The following MYO18A variants were observed in gnomAD, a reference collection of about 807,000 sequenced individuals.
The protein encoded by MYO18A is unconventional myosin-XVIIIa.
MYO18A carries 78 observed loss-of-function variants against 235.8 expected under a neutral mutation model. That is an observed-to-expected ratio of 0.33 (90% CI 0.28 to 0.40). MYO18A has a LOEUF of 0.40. MYO18A is among the 10% of genes least tolerant of loss of function. The pLI is 1.00. For synonymous variants in MYO18A, 977 were observed against 1,077.8 expected, an observed-to-expected ratio of 0.91 and a Z score of 1.83; for missense variants, 2,215 against 2,699.3, an observed-to-expected ratio of 0.82 and a Z score of 3.98.
intron 1 of MYO18A, among the ~76,000 whole-genome samples, chr17:29,172,539 G>A (rs1381571179): frequency 6.6e-6 from 1 of 151,832 alleles, no homozygotes; most frequent in African/African-American, 2.4e-5. Context: ...ATCACTTAAG[G>A]CCTCCATGCC....
At chr17:29,102,779 A>C (rs2152799186) in intron 21 of MYO18A, among the ~76,000 whole-genome samples, 1 of 152,326 alleles carries the variant, frequency 6.6e-6, no homozygotes, top group African/African-American at 2.4e-5. Flanking sequence ...GACCAAGCAC[A>C]CAGGACAAGT....
intron 37 of MYO18A, 107 bp downstream of exon 37, chr17:29,089,854 C>T: frequency 1.4e-6 from 2 of 1,453,040 alleles, no homozygotes; most frequent in Non-Finnish European, 1.9e-6. Flanking sequence ...AGGCACAGGC[C>T]TCTGAGGACT....
Position 29,134,006 on chromosome 17 carries a change from T to C in MYO18A, c.1000-11753A>G, listed in dbSNP as rs886136139. The C allele has an allele frequency of 7.8e-5, 32 of 408,474 alleles. 1 individual carries two copies. The highest frequency in any genetic ancestry group is 4.9e-4 in the South Asian group (24 of 48,978). The allele number at this position is 408,474 out of a possible 1,614,324, so 25.3% of individuals were successfully genotyped here. On this transcript the variant is annotated intron_variant, in intron 2 of 41. Coordinates refer to ENST00000527372, the MANE Select transcript of MYO18A (RefSeq NM_078471.4). ...AAGGATTACAAAACTCAAGAGGGCA[T>C]TGGAGTAAGGAATAAAATATTAAAG...
rs903241551 is a variant in MYO18A at position 29,168,135 on chromosome 17, G to A, written c.-81-1114C>T. Among the ~76,000 whole-genome samples the A allele has an allele frequency of 3.9e-5, 6 of 151,920 alleles. 1 individual carries two copies. The South Asian group carries it at 1.0e-3, about 26-fold the overall frequency. On this transcript the variant is annotated intron_variant, in intron 1 of 41. Transcript: ENST00000527372. ...CAAAGTAAAGCAGCAAGAGAAAGAA[G>A]GGAAGTTCCAGACCAAACAGAGGAT...
In MYO18A at chr17:29,163,258, C is replaced by A. The variant is rs539540867; in HGVS notation, c.999+2684G>T. On this transcript the variant is annotated intron_variant, in intron 2 of 41. Coordinates refer to ENST00000527372, the MANE Select transcript of MYO18A (RefSeq NM_078471.4). ...TAAAAGGAAGAGGAGGAGATACAGG[C>A]TGAGGGTACAGAAGAGGTGCAGCAC... Among the ~76,000 whole-genome samples the A allele has an allele frequency of 7.9e-5, 12 of 152,256 alleles. No homozygotes were observed. The East Asian group carries it at 1.7e-3, about 22-fold the overall frequency.
chr17:29,170,616 C>T (rs1318721504), intron 1 of MYO18A, among the ~76,000 whole-genome samples: 2 of 152,168 alleles, frequency 1.3e-5, no homozygotes, highest in Admixed American at 6.5e-5. Flanking sequence ...TCCTTTTCTG[C>T]GTTTCTCTCC....
rs774026021 is a variant in MYO18A at position 29,121,525 on chromosome 17, G to A, written c.1371+22C>T. On this transcript the variant is annotated intron_variant, in intron 5 of 41. Coordinates refer to ENST00000527372, the MANE Select transcript of MYO18A (RefSeq NM_078471.4). The surrounding 1 kb of genome is among the most constrained non-coding windows in gnomAD (Gnocchi z 4.2). The stretch of plus-strand genomic sequence containing the variant: ...AGGGGGTGGGACCAGGAGTCTGCAG[G>A]GTAGCCTTGAGGGTGCTGCACCTTC... 11 of 1,582,212 alleles carry A rather than the reference G, an allele frequency of 7.0e-6. No individual in the cohort carries two copies. The highest frequency in any genetic ancestry group is 7.7e-6 in the Non-Finnish European group (9 of 1,163,698).
intron 21 of MYO18A, among the ~76,000 whole-genome samples, chr17:29,100,693 G>A (rs1021766982): frequency 6.6e-6 from 1 of 152,224 alleles, no homozygotes; most frequent in East Asian, 1.9e-4. Context: ...ACCTCCAACT[G>A]GCACAGAACA....
intron 38 of MYO18A, 166 bp downstream of exon 38, chr17:29,086,770 G>A (rs1268717569): frequency 2.2e-5 from 24 of 1,114,668 alleles, no homozygotes; most frequent in South Asian, 4.9e-5. Flanking sequence ...CTCCAGTGCC[G>A]CTAGCTTCCT....
chr17:29,099,975 G>T (rs867530412), intron 21 of MYO18A, among the ~76,000 whole-genome samples: 1 of 152,138 alleles, frequency 6.6e-6, no homozygotes, highest in East Asian at 1.9e-4. Context: ...GGTTTTGGCA[G>T]GGGAGGGGTA....
At chr17:29,177,871 G>A (rs2068567302) in intron 1 of MYO18A, among the ~76,000 whole-genome samples, 1 of 152,202 alleles carries the variant, frequency 6.6e-6, no homozygotes, top group Non-Finnish European at 1.5e-5. Context: ...ATCTGGCTGA[G>A]GAGAGACCTC....
At chr17:29,086,362 A>G in intron 39 of MYO18A, 76 bp downstream of exon 39, 1 of 1,511,266 alleles carries the variant, frequency 6.6e-7, no homozygotes, top group South Asian at 1.2e-5. Flanking sequence ...CAACTGTTCT[A>G]CCTGGTCGTC....
At position 29,110,576 on chromosome 17, in the gene MYO18A, C is replaced by G; in HGVS notation, c.2947G>C (p.Val983Leu). Reference sequence around the variant, plus strand: ...AGGCCCGCGATGGAGCCAGAGAGCACCGTGGCACTGCCTGCGCGGCCCAGA... The same window carrying G: ...AGGCCCGCGATGGAGCCAGAGAGCAGCGTGGCACTGCCTGCGCGGCCCAGA... ...LFLGRAGSAT[V>L]LSGSIAGLEG... The change falls in exon 18 of 42, where the codon GTG becomes CTG. Residue 983 changes from valine to leucine, a missense_variant. Coordinates refer to ENST00000527372, the MANE Select transcript of MYO18A (RefSeq NM_078471.4). The G allele has an allele frequency of 6.2e-7, 1 of 1,612,216 alleles. No individual in the cohort carries two copies. The highest frequency in any genetic ancestry group is 1.1e-5 in the South Asian group (1 of 90,828).
intron 22 of MYO18A, among the ~76,000 whole-genome samples, chr17:29,099,416 T>G (rs765576772): frequency 1.3e-5 from 2 of 152,136 alleles, no homozygotes; most frequent in Non-Finnish European, 2.9e-5. Context: ...GCCTGGGCCC[T>G]GATTCCCCTA....
intron 2 of MYO18A, among the ~76,000 whole-genome samples, chr17:29,124,958 G>A (rs1477984475): frequency 1.3e-5 from 2 of 152,158 alleles, no homozygotes; most frequent in East Asian, 3.9e-4. Context: ...AGTCATTCCC[G>A]GTGGCCCGGG....
intron 2 of MYO18A, among the ~76,000 whole-genome samples, chr17:29,155,980 A>G (rs1327891811): frequency 6.6e-6 from 1 of 152,200 alleles, no homozygotes; most frequent in African/African-American, 2.4e-5. Flanking sequence ...TCCAGGAACC[A>G]AAACTGTCTC....
At position 29,097,348 on chromosome 17, in the gene MYO18A, C is replaced by T. The variant is rs1268791676; in HGVS notation, c.4105G>A (p.Gly1369Ser). ...CGCTCATACTTCAGCCGCCACTCGCCACCTGTGGGGTTGAGGCAGACAAGG... is the reference window on the plus strand; with the variant it reads ...CGCTCATACTTCAGCCGCCACTCGCTACCTGTGGGGTTGAGGCAGACAAGG... Reference protein sequence around the residue: ...NGEVDDDDAGGEWRLKYERAV... With the variant: ...NGEVDDDDAGSEWRLKYERAV... Residue 1369 changes from glycine (G) to serine (S), a missense_variant and splice_region_variant, in exon 27 of 42, where the codon GGC becomes AGC. Gly to Ser is a moderately conservative substitution (Grantham distance 56). Coordinates refer to ENST00000527372, the MANE Select transcript of MYO18A (RefSeq NM_078471.4). The T allele has an allele frequency of 1.2e-6, 2 of 1,608,270 alleles. No homozygotes were observed. Among genetic ancestry groups the T allele is most frequent in the Non-Finnish European group, 1.7e-6 (2 of 1,179,820 alleles).
chr17:29,156,417 G>A (rs1388159545), intron 2 of MYO18A, among the ~76,000 whole-genome samples: 1 of 152,210 alleles, frequency 6.6e-6, no homozygotes, highest in African/African-American at 2.4e-5. Context: ...TCCTGCTCCT[G>A]GATGCCCACA....
At position 29,074,617 on chromosome 17, in the gene MYO18A, G is replaced by T. The variant is rs1255948031; in HGVS notation, c.*153C>A. ...CACGTGGAGACATCAGACACCCATAGCCTGGAAAGTGCCCCTGACAGAAGA... is the reference window on the plus strand; with the variant it reads ...CACGTGGAGACATCAGACACCCATATCCTGGAAAGTGCCCCTGACAGAAGA... On this transcript the variant is annotated 3_prime_UTR_variant, in exon 42 of 42. Transcript: ENST00000527372. This position sits in a 1 kb window ranked among gnomAD's most constrained non-coding sequence, Gnocchi z 4.4. 3 of 778,958 alleles carry T rather than the reference G, an allele frequency of 3.9e-6. No individual in the cohort carries two copies. The highest frequency in any genetic ancestry group is 6.4e-6 in the Non-Finnish European group (3 of 471,018). The allele number at this position is 778,958 out of a possible 1,614,324, so 48.3% of individuals were successfully genotyped here. A position where few individuals can be genotyped will look rare whatever the true frequency, so the allele number is the denominator to read the frequency against.
Sources: allele counts gnomAD v4.1 joint callset (sites outside exome capture counted in the v4.1 genomes callset), GRCh38; gene constraint gnomAD v4.1.1; non-coding constraint Gnocchi (gnomAD v3.1); transcripts MANE v1.5; gene names NCBI Gene and HGNC (gene_info 2026-07-23, HGNC 2026-07-21).